VANGL1: variants seen among roughly 807,000 people sequenced by gnomAD.
VANGL1 encodes the protein VANGL planar cell polarity protein 1, also known as vang-like protein 1.
VANGL1 carries 18 observed loss-of-function variants against 48.4 expected under a neutral mutation model. That is an observed-to-expected ratio of 0.37 (90% confidence interval 0.26 to 0.55). VANGL1 has a LOEUF of 0.55. VANGL1 is among the 20% of genes least tolerant of loss of function. The pLI is 0.81. For missense variants in VANGL1, 667 were observed against 675.8 expected (o/e 0.99, Z 0.14); for synonymous variants, 257 against 261.8 (o/e 0.98, Z 0.18).
At chr1:115,663,189 G>A (rs1052562985) in intron 3 of VANGL1, among the ~76,000 whole-genome samples, 4 of 152,196 alleles carry the variant, frequency 2.6e-5, no homozygotes, top group African/African-American at 7.2e-5. Flanking sequence ...GGCTGCTAGA[G>A]GGTGTAGTAA....
chr1:115,652,514 T>C (rs1652189151), intron 2 of VANGL1, among the ~76,000 whole-genome samples: 1 of 152,174 alleles, frequency 6.6e-6, no homozygotes, highest in Non-Finnish European at 1.5e-5. Context: ...AGATTATGCA[T>C]GTGAAGCATG....
At position 115,697,268 on chromosome 1, in the gene VANGL1, A is replaced by T. The variant is rs1259594421; in HGVS notation, c.*5889A>T. ...TCTAGGGGCCTTGTAGAAAGATGAA[A>T]CAGTTGTTTTTCATTTACCAGCACC... On this transcript the variant is annotated 3_prime_UTR_variant, in exon 8 of 8. Coordinates refer to ENST00000355485, the MANE Select transcript of VANGL1 (RefSeq NM_138959.3). The T allele has an allele frequency of 6.6e-6, 1 of 152,196 alleles. No homozygotes were observed. Among genetic ancestry groups the T allele is most frequent in the Non-Finnish European group, 1.5e-5 (1 of 68,034 alleles). 9.4% of individuals were successfully genotyped at this position (152,196 alleles called of 1,614,324 possible). A position where few individuals can be genotyped will look rare whatever the true frequency, so the allele number is the denominator to read the frequency against.
chr1:115,673,856 T>G (rs941556013), intron 4 of VANGL1, among the ~76,000 whole-genome samples: 1 of 152,104 alleles, frequency 6.6e-6, no homozygotes, highest in Non-Finnish European at 1.5e-5. Context: ...TGTGTCGGCC[T>G]CCCAAAGTGC....
intron 5 of VANGL1, among the ~76,000 whole-genome samples, chr1:115,683,656 T>G (rs1006371703): frequency 6.6e-6 from 1 of 152,200 alleles, no homozygotes; most frequent in African/African-American, 2.4e-5. Flanking sequence ...ATGTGTTGTT[T>G]TTGGCCAACA....
chr1:115,686,250 G>A (rs1187525335), intron 7 of VANGL1, among the ~76,000 whole-genome samples: 1 of 151,412 alleles, frequency 6.6e-6, no homozygotes, highest in African/African-American at 2.4e-5. Context: ...GATGAGGATG[G>A]ACTAAATAGC....
chr1:115,653,438 G>A (rs1652228362), intron 2 of VANGL1, among the ~76,000 whole-genome samples: 1 of 152,066 alleles, frequency 6.6e-6, no homozygotes, highest in African/African-American at 2.4e-5. Flanking sequence ...ATTTTGTTTA[G>A]CACTACCAAT....
rs988708153 is a variant in VANGL1 at position 115,651,362 on chromosome 1, T to C, written c.-52T>C. 1.3e-6 allele frequency: 2 copies of C among 1,567,704 alleles called. No individual in the cohort carries two copies. The highest frequency in any genetic ancestry group is 2.7e-5 in the African/African-American group (2 of 73,852). The stretch of plus-strand genomic sequence containing the variant: ...AGTCTGGTAGGTGAAATTTTCTACC[T>C]CTAAGGAGAAACAGTACCTGCTCCT... On this transcript the variant is annotated 5_prime_UTR_variant, in exon 2 of 8. Coordinates refer to ENST00000355485, the MANE Select transcript of VANGL1 (RefSeq NM_138959.3).
chr1:115,661,003 T>C (rs566223182), intron 3 of VANGL1, among the ~76,000 whole-genome samples: 1 of 152,264 alleles, frequency 6.6e-6, no homozygotes, highest in Non-Finnish European at 1.5e-5. Flanking sequence ...GCCAGTGGCC[T>C]ACAGCAAAGG....
chr1:115,660,438 G>T (rs1652503441), intron 3 of VANGL1, among the ~76,000 whole-genome samples: 1 of 152,138 alleles, frequency 6.6e-6, no homozygotes, highest in Non-Finnish European at 1.5e-5. Flanking sequence ...TTTGAGAAAA[G>T]CTGCAAATCA....
intron 1 of VANGL1, 113 bp from the exon 2 acceptor site, chr1:115,651,164 C>T: frequency 3.9e-6 from 2 of 509,686 alleles, no homozygotes; most frequent in Non-Finnish European, 7.1e-6. Context: ...CCCTCACTCG[C>T]TTGTTCCATG....
chr1:115,643,009 C>G (rs933700527), intron 1 of VANGL1, among the ~76,000 whole-genome samples: 1 of 152,220 alleles, frequency 6.6e-6, no homozygotes, highest in Non-Finnish European at 1.5e-5. Flanking sequence ...TTTCACTTCT[C>G]CAAACCAGGT....
chr1:115,657,031 G>A (rs1372504056), intron 2 of VANGL1, among the ~76,000 whole-genome samples: 1 of 152,238 alleles, frequency 6.6e-6, no homozygotes, highest in African/African-American at 2.4e-5. Context: ...GGCAGGGCTG[G>A]TGGAGCAGCA....
intron 1 of VANGL1, among the ~76,000 whole-genome samples, chr1:115,648,061 G>A (rs1652004541): frequency 6.6e-6 from 1 of 152,142 alleles, no homozygotes; most frequent in Non-Finnish European, 1.5e-5. Flanking sequence ...GATGAGGGGA[G>A]AGGAGAGGGA....
intron 4 of VANGL1, among the ~76,000 whole-genome samples, chr1:115,666,453 C>T (rs1652793349): frequency 6.6e-6 from 1 of 152,172 alleles, no homozygotes; most frequent in African/African-American, 2.4e-5. Flanking sequence ...CCTCCCACCA[C>T]ACAGCTCTGC....
In VANGL1 at chr1:115,687,705, C is replaced by CTGTGTGTGTG. The variant is rs56094677; in HGVS notation, c.1314+2214_1314+2223dup. On this transcript the variant is annotated intron_variant, in intron 7 of 7. Transcript: ENST00000355485. ...AATTGGGTCATTGCTCTCTCTTTCT[C>CTGTGTGTGTG]TGTGTGTGTGTGTGTGTGTGTGTGT... is the stretch of plus-strand genomic sequence containing the variant. Among the ~76,000 whole-genome samples the CTGTGTGTGTG allele has an allele frequency of 3.0e-3, 342 of 112,864 alleles. 40 individuals are homozygous for CTGTGTGTGTG. The highest frequency in any genetic ancestry group is 4.5e-3 in the Non-Finnish European group (245 of 54,444). 74.0% of individuals were successfully genotyped at this position (112,864 alleles called of 152,430 possible).
At position 115,663,907 on chromosome 1, in the gene VANGL1, G is replaced by C. The variant is rs1446502792; in HGVS notation, c.451G>C (p.Gly151Arg). 2 of 1,614,178 alleles carry C rather than the reference G, an allele frequency of 1.2e-6. No individual in the cohort carries two copies. The highest frequency in any genetic ancestry group is 1.7e-6 in the Non-Finnish European group (2 of 1,180,038). The change falls in exon 4 of 8, where the codon GGG becomes CGG. Residue 151 changes from glycine to arginine, a missense_variant. Physicochemically the swap from Gly to Arg is moderately radical, Grantham distance 125 (BLOSUM62 -2). Coordinates refer to ENST00000355485, the MANE Select transcript of VANGL1 (RefSeq NM_138959.3). ...GGAGCCTTGTGGCACAATTTGTGAG[G>C]GGCTCTTTATCTCCATGGCATTCAA... is the stretch of plus-strand genomic sequence containing the variant. ...ELEPCGTICE[G>R]LFISMAFKLL...
At chr1:115,676,480 C>T (rs546782017) in intron 4 of VANGL1, among the ~76,000 whole-genome samples, 26 of 152,272 alleles carry the variant, frequency 1.7e-4, no homozygotes, top group African/African-American at 6.3e-4. Context: ...ACATATATGG[C>T]CATATAAGCT....
At chr1:115,672,969 C>T (rs1054654108) in intron 4 of VANGL1, among the ~76,000 whole-genome samples, 6 of 152,206 alleles carry the variant, frequency 3.9e-5, no homozygotes, top group African/African-American at 1.4e-4. Context: ...ACGGACTCTT[C>T]TGGGAAGCAG....
At chr1:115,681,500 G>A (rs79955112) in intron 4 of VANGL1, among the ~76,000 whole-genome samples, 1 of 96,330 alleles carries the variant, frequency 1.0e-5, no homozygotes, top group African/African-American at 4.2e-5. Context: ...TCTTTTTTTT[G>A]TTGTTTTTTT....
Sources: allele counts gnomAD v4.1 joint callset (sites outside exome capture counted in the v4.1 genomes callset), GRCh38; gene constraint gnomAD v4.1.1; transcripts MANE v1.5; gene names NCBI Gene and HGNC (gene_info 2026-07-23, HGNC 2026-07-21).